The following KCTD5 variants were observed in gnomAD, a reference collection of about 807,000 sequenced individuals.
The protein encoded by KCTD5 is potassium channel tetramerization domain containing 5.
KCTD5 carries 12 observed loss-of-function variants against 27.9 expected under a neutral mutation model. The ratio of observed to expected loss-of-function variants is 0.43; its 90% confidence interval spans 0.28 to 0.70. KCTD5 has a LOEUF of 0.70. KCTD5 is among the 30% of genes least tolerant of loss of function. The pLI, the probability that KCTD5 is intolerant of heterozygous loss-of-function variation, is 0.19. For missense variants in KCTD5, 226 were observed against 274.8 expected, an observed-to-expected ratio of 0.82 and a Z score of 1.26; for synonymous variants, 147 against 121.4, an observed-to-expected ratio of 1.21 and a Z score of -1.39.
chr16:2,693,009 C>G (rs2067573402), intron 1 of KCTD5, among the ~76,000 whole-genome samples: 1 of 152,238 alleles, frequency 6.6e-6, no homozygotes, highest in Non-Finnish European at 1.5e-5. Context: ...GGGGCGAACC[C>G]CAGGGCTGCA....
chr16:2,701,216 C>T (rs780528519), intron 4 of KCTD5, among the ~76,000 whole-genome samples: 58 of 152,368 alleles, frequency 3.8e-4, no homozygotes, highest in Admixed American at 9.1e-4. Flanking sequence ...TGGGTGGATT[C>T]CAAACCCATT....
intron 1 of KCTD5, among the ~76,000 whole-genome samples, chr16:2,688,413 G>A (rs2067551943): frequency 6.6e-6 from 1 of 151,696 alleles, no homozygotes; most frequent in South Asian, 2.1e-4. Flanking sequence ...ACCATGTCTG[G>A]CTGATTTTTG....
chr16:2,683,484 T>C (rs185168261), intron 1 of KCTD5: 11 of 152,206 alleles, frequency 7.2e-5, no homozygotes, highest in African/African-American at 2.6e-4. Flanking sequence ...TCTAATTGGC[T>C]TAGTTTTCCC....
intron 2 of KCTD5, among the ~76,000 whole-genome samples, chr16:2,697,661 G>T (rs2067592360): frequency 6.6e-6 from 1 of 152,242 alleles, no homozygotes; most frequent in African/African-American, 2.4e-5. Flanking sequence ...GGGGTGACCT[G>T]AGCTGGAGGT....
At chr16:2,693,705 G>A (rs1309930363) in intron 1 of KCTD5, among the ~76,000 whole-genome samples, 3 of 152,254 alleles carry the variant, frequency 2.0e-5, no homozygotes, top group Non-Finnish European at 2.9e-5. Context: ...CTCTTGCACC[G>A]GCCCAGGGCC....
At chr16:2,691,477 G>T (rs1456968235) in intron 1 of KCTD5, among the ~76,000 whole-genome samples, 1 of 152,226 alleles carries the variant, frequency 6.6e-6, no homozygotes, top group Non-Finnish European at 1.5e-5. Flanking sequence ...CTAGGGCCAC[G>T]CAGGGCTCTG....
rs774009080 is a variant in KCTD5 at position 2,682,785 on chromosome 16, C to T, written c.237C>T (p.Asp79=). 2 of 1,598,624 alleles carry T rather than the reference C, an allele frequency of 1.3e-6. No individual in the cohort carries two copies. Among genetic ancestry groups the T allele is most frequent in the Admixed American group, 1.7e-5 (1 of 58,410 alleles). The change falls in exon 1 of 6, where the codon GAC becomes GAT. Residue 79 remains aspartate (D), a synonymous_variant. Transcript: ENST00000301738. The stretch of plus-strand genomic sequence containing the variant: ...ACCGCTTATGCCAGGCCGATCCCGA[C>T]CTGGACTCAGACAAGGTGAGGGCCT... ...FLYRLCQADP[D]LDSDKDETGA...
chr16:2,690,874 T>C (rs1364345885), intron 1 of KCTD5, among the ~76,000 whole-genome samples: 1 of 152,240 alleles, frequency 6.6e-6, no homozygotes, highest in Admixed American at 6.5e-5. Context: ...TTTTGTATGA[T>C]TTTGTGTTTC....
intron 5 of KCTD5, among the ~76,000 whole-genome samples, chr16:2,704,213 G>A (rs1183504761): frequency 6.6e-6 from 1 of 152,256 alleles, no homozygotes; most frequent in African/African-American, 2.4e-5. Flanking sequence ...CAGTGCCCCA[G>A]GAGGCAGAGC....
chr16:2,699,735 A>G (rs539486923), intron 3 of KCTD5, 86 bp from the exon 4 acceptor site: 3 of 1,249,188 alleles, frequency 2.4e-6, no homozygotes, highest in African/African-American at 2.9e-5. Flanking sequence ...AGTGGACCTC[A>G]GCCTCCCTGG....
intron 4 of KCTD5, among the ~76,000 whole-genome samples, chr16:2,701,451 C>T (rs944744465): frequency 6.6e-6 from 1 of 152,192 alleles, no homozygotes; most frequent in African/African-American, 2.4e-5. Context: ...GCTGTGAGGA[C>T]ACAGGGGCTC....
intron 1 of KCTD5, among the ~76,000 whole-genome samples, chr16:2,685,134 T>G (rs2067535165): frequency 6.6e-6 from 1 of 152,086 alleles, no homozygotes; most frequent in Non-Finnish European, 1.5e-5. Context: ...CATACAATAA[T>G]TGGAGTAGGG....
At position 2,706,228 on chromosome 16, in the gene KCTD5, CAG is replaced by C. The variant is rs576581309; in HGVS notation, c.676-1069_676-1068del. Reference sequence around the variant, plus strand: ...AGTATTGGAGTCAGGCTGAGCAGCTCAGGGGACGTGGCCTCCAGGAGCCTTCG... The same window carrying C: ...AGTATTGGAGTCAGGCTGAGCAGCTCGGGACGTGGCCTCCAGGAGCCTTCG... On this transcript the variant is annotated intron_variant, in intron 5 of 5. Transcript: ENST00000301738. Among the ~76,000 whole-genome samples the C allele has an allele frequency of 6.6e-5, 10 of 152,318 alleles. No individual in the cohort carries two copies. The South Asian group carries it at 1.9e-3, about 28-fold the overall frequency.
intron 3 of KCTD5, among the ~76,000 whole-genome samples, chr16:2,698,324 A>C (rs868747997): frequency 2.6e-5 from 4 of 152,248 alleles, no homozygotes; most frequent in South Asian, 2.1e-4. Flanking sequence ...GGTGGATGGC[A>C]TCTGGTAGGG....
chr16:2,704,416 C>G (rs1440720653), intron 5 of KCTD5, among the ~76,000 whole-genome samples: 1 of 152,128 alleles, frequency 6.6e-6, no homozygotes, highest in Non-Finnish European at 1.5e-5. Context: ...GCGGGAGAGC[C>G]TGGGTGGTGG....
In KCTD5 at chr16:2,682,664, C is replaced by A. The variant is rs767240624; in HGVS notation, c.116C>A (p.Pro39His). 2 of 1,604,462 alleles carry A rather than the reference C, an allele frequency of 1.2e-6. No homozygotes were observed. The highest frequency in any genetic ancestry group is 3.4e-5 in the Admixed American group (2 of 59,336). ...SAGLGALAQR[P>H]GSVSKWVRLN... ...GGGCTCGGCGCCCTGGCCCAGCGCC[C>A]TGGCAGCGTGTCCAAGTGGGTCCGA... The change falls in exon 1 of 6, where the codon CCT becomes CAT. Residue 39 changes from proline to histidine, a missense_variant. This residue lies in a region of KCTD5 where 91 missense variants were observed against 67.8 expected (regional missense o/e 1.34). Transcript: ENST00000301738.
chr16:2,688,626 C>G (rs1377081997), intron 1 of KCTD5, among the ~76,000 whole-genome samples: 2 of 136,992 alleles, frequency 1.5e-5, no homozygotes, highest in African/African-American at 5.6e-5. Flanking sequence ...TCTGGCCACA[C>G]TCAGCCCTGT....
At chr16:2,697,680 C>T (rs868087688) in intron 2 of KCTD5, among the ~76,000 whole-genome samples, 7 of 152,216 alleles carry the variant, frequency 4.6e-5, no homozygotes, top group African/African-American at 9.6e-5. Flanking sequence ...GTGTTCAGTC[C>T]ACACATCGGC....
chr16:2,697,970 T>A lies in KCTD5; in HGVS notation c.426T>A (p.Ile142=). The A allele has an allele frequency of 6.2e-7, 1 of 1,612,240 alleles. No individual in the cohort carries two copies. The highest frequency in any genetic ancestry group is 8.5e-7 in the Non-Finnish European group (1 of 1,178,442). Residue 142 remains isoleucine, a synonymous_variant, in exon 3 of 6, where the codon ATT becomes ATA. Transcript: ENST00000301738. ...TAATAAAACTTGTAAAGGACAAAAT[T>A]AGAGAACGAGACAGCAAAACATCGC... ...TSLIKLVKDK[I]RERDSKTSQV...
Sources: gnomAD v4.1 joint callset for allele counts (sites outside exome capture counted in the v4.1 genomes callset) on GRCh38, gnomAD v4.1.1 for gene constraint, gnomAD v4.1.1 regional missense constraint, MANE v1.5 for transcripts, NCBI Gene and HGNC (gene_info 2026-07-23, HGNC 2026-07-21) for gene names.